The following SLC9B2 variants were observed in gnomAD, a reference collection of about 807,000 sequenced individuals.
SLC9B2 encodes the protein sodium/hydrogen exchanger 9B2.
In SLC9B2, 39 loss-of-function variants were observed where a neutral mutation model predicts 52.2. That is an observed-to-expected ratio of 0.75 (90% CI 0.58 to 0.98). The LOEUF (loss-of-function observed/expected upper bound fraction) is 0.98, where lower values mean the gene tolerates loss of function less well. SLC9B2 is among the 50% of genes least tolerant of loss of function. The pLI, the probability that SLC9B2 is intolerant of heterozygous loss-of-function variation, is 0.00. For missense variants in SLC9B2, 626 were observed against 637.5 expected, an observed-to-expected ratio of 0.98 and a Z score of 0.19; for synonymous variants, 214 against 227.0, an observed-to-expected ratio of 0.94 and a Z score of 0.51.
downstream of SLC9B2, chr4:103,019,562 G>C: frequency 1.0e-6 from 1 of 984,812 alleles, no homozygotes; most frequent in Non-Finnish European, 1.2e-6. Context: ...AGCGCCAAAG[G>C]GCTTGGAAGG....
chr4:103,021,838 T>C (rs116317730), downstream of SLC9B2, among the ~76,000 whole-genome samples: 126 of 152,292 alleles, frequency 8.3e-4, no homozygotes, highest in African/African-American at 2.9e-3. Context: ...TTTCAAAACT[T>C]TGCTAATATG....
chr4:103,036,568 T>C (rs1743195139), intron 9 of SLC9B2, among the ~76,000 whole-genome samples: 1 of 146,256 alleles, frequency 6.8e-6, no homozygotes, highest in Non-Finnish European at 1.5e-5. Context: ...CACAACTAAT[T>C]CACAGAAGAA....
intron 8 of SLC9B2, among the ~76,000 whole-genome samples, 200 bp downstream of exon 8, chr4:103,044,690 C>T (rs138301348): frequency 1.2e-3 from 190 of 152,278 alleles, no homozygotes; most frequent in African/African-American, 3.9e-3. Context: ...GAATATAATA[C>T]GGGAACCCAT....
In SLC9B2 at chr4:103,043,314, C is replaced by A; in HGVS notation, c.1128G>T (p.Met376Ile). 1 of 1,611,146 alleles carries A rather than the reference C, an allele frequency of 6.2e-7. No individual in the cohort carries two copies. The highest frequency in any genetic ancestry group is 8.5e-7 in the Non-Finnish European group (1 of 1,179,236). ...CTLVMAFLAG[M>I]GWTSEKAEVE... is the part of the protein sequence containing the mutation. Reference sequence around the variant, plus strand: ...AATTCACCTTTTCGCTGGTCCATCCCATGCCTGCAAGGAAAGCCATGACCA... The same window carrying A: ...AATTCACCTTTTCGCTGGTCCATCCAATGCCTGCAAGGAAAGCCATGACCA... The change falls in exon 9 of 12, where the codon ATG (methionine) becomes ATT (isoleucine). Residue 376 changes from methionine to isoleucine, a missense_variant. Transcript: ENST00000394785.
chr4:103,059,029 T>C (rs1478428059), intron 3 of SLC9B2, among the ~76,000 whole-genome samples: 1 of 152,130 alleles, frequency 6.6e-6, no homozygotes, highest in African/African-American at 2.4e-5. Flanking sequence ...ATTGCACCAC[T>C]GCACTCCAGC....
chr4:103,065,180 G>GCACACACACACA (rs58302558), intron 3 of SLC9B2, among the ~76,000 whole-genome samples: 16 of 145,072 alleles, frequency 1.1e-4, no homozygotes, highest in Admixed American at 6.3e-4. Context: ...GTACACACAC[G>GCACACACACACA]CACACACACA....
intron 10 of SLC9B2, among the ~76,000 whole-genome samples, chr4:103,030,589 C>T (rs970497581): frequency 1.1e-4 from 17 of 151,432 alleles, no homozygotes; most frequent in African/African-American, 3.4e-4. Flanking sequence ...TTGAAAAGTC[C>T]GAAAAGAAGA....
At chr4:103,020,382 C>T (rs756598290), downstream of SLC9B2, 84 of 432,126 alleles carry the variant, frequency 1.9e-4, 2 homozygotes, top group Admixed American at 6.0e-4. Context: ...TAATAGAATC[C>T]GCGCTTCCTA....
downstream of SLC9B2, chr4:103,020,243 A>C (rs1282875294): frequency 2.5e-6 from 1 of 400,122 alleles, no homozygotes; most frequent in East Asian, 7.3e-5. Context: ...TCAGTATAAA[A>C]CCTTTGTGAG....
downstream of SLC9B2, among the ~76,000 whole-genome samples, chr4:103,021,455 T>C (rs1329866064): frequency 1.3e-5 from 2 of 149,412 alleles, no homozygotes; most frequent in Non-Finnish European, 3.0e-5. Context: ...CAGTGGTTCT[T>C]TGGGAGACAA....
chr4:103,065,934 T>TA (rs1307458115), intron 3 of SLC9B2, among the ~76,000 whole-genome samples: 2 of 152,234 alleles, frequency 1.3e-5, no homozygotes, highest in Admixed American at 6.5e-5. Flanking sequence ...TCTGGAAGTA[T>TA]AAATGGGGCT....
At chr4:103,044,239 T>C (rs72939315) in intron 8 of SLC9B2, among the ~76,000 whole-genome samples, 2,466 of 152,308 alleles carry the variant, frequency 0.016, 48 homozygotes, top group African/African-American at 0.053. Flanking sequence ...AAAATGGTCA[T>C]AGTAATAGAA....
In SLC9B2 at chr4:103,026,268, G is replaced by C. The variant is rs1578434932; in HGVS notation, c.*102C>G. The C allele has an allele frequency of 9.2e-7, 1 of 1,091,098 alleles. No individual in the cohort carries two copies. Among genetic ancestry groups the C allele is most frequent in the East Asian group, 2.4e-5 (1 of 41,644 alleles). The allele number at this position is 1,091,098 out of a possible 1,614,324, so 67.6% of individuals were successfully genotyped here. On this transcript the variant is annotated 3_prime_UTR_variant, in exon 12 of 12. Coordinates refer to ENST00000394785, the MANE Select transcript of SLC9B2 (RefSeq NM_178833.7). The stretch of plus-strand genomic sequence containing the variant: ...GTTTAAAGAAACAGCTACACTTTTG[G>C]TTCTATTACATTTTAAGCTTAAACA...
At chr4:103,036,052 C>T (rs1048815350) in intron 9 of SLC9B2, among the ~76,000 whole-genome samples, 3 of 152,088 alleles carry the variant, frequency 2.0e-5, no homozygotes, top group African/African-American at 7.2e-5. Flanking sequence ...GACACATGAA[C>T]CAAAACAACA....
intron 4 of SLC9B2, among the ~76,000 whole-genome samples, chr4:103,053,377 A>G (rs766855580): frequency 6.6e-6 from 1 of 152,214 alleles, no homozygotes; most frequent in Non-Finnish European, 1.5e-5. Flanking sequence ...TTCTTCCTCT[A>G]TGCAAGTATA....
chr4:103,021,614 CTG>C (rs972715289), downstream of SLC9B2, among the ~76,000 whole-genome samples: 7 of 152,154 alleles, frequency 4.6e-5, no homozygotes, highest in African/African-American at 1.2e-4. Flanking sequence ...AGAATCTTAA[CTG>C]AGAGCAATTT....
intron 9 of SLC9B2, 53 bp from the exon 10 acceptor site, chr4:103,031,861 C>A (rs1464231450): frequency 1.3e-6 from 2 of 1,523,878 alleles, no homozygotes; most frequent in Non-Finnish European, 1.8e-6. Context: ...GTTACAAATG[C>A]AAAGAATTTT....
intron 8 of SLC9B2, among the ~76,000 whole-genome samples, chr4:103,043,800 T>C (rs1743855468): frequency 6.6e-6 from 1 of 152,214 alleles, no homozygotes; most frequent in Non-Finnish European, 1.5e-5. Context: ...AGTAGCCACA[T>C]TACTTAACCA....
chr4:103,031,711 G>T lies in SLC9B2; in HGVS notation c.1244C>A (p.Pro415Gln). Residue 415 changes from proline to glutamine, a missense_variant, in exon 10 of 12, where the codon CCA becomes CAA. Pro to Gln is a moderately conservative substitution (Grantham distance 76). Transcript: ENST00000394785. ...GAEVSIASLR[P>Q]ETVGLCVATV... is the part of the protein sequence containing the mutation. ...TTTGAAATTCTTACCTACAGTTTCT[G>T]GTCTGAGAGATGCAATAGATACCTC... The T allele has an allele frequency of 6.2e-7, 1 of 1,611,892 alleles. No homozygotes were observed. Among genetic ancestry groups the T allele is most frequent in the Non-Finnish European group, 8.5e-7 (1 of 1,178,694 alleles).
Sources: allele counts gnomAD v4.1 joint callset (sites outside exome capture counted in the v4.1 genomes callset), GRCh38; gene constraint gnomAD v4.1.1; transcripts MANE v1.5; gene names NCBI Gene and HGNC (gene_info 2026-07-23, HGNC 2026-07-21).